The following ACOT7 variants were observed in gnomAD, a reference collection of about 807,000 sequenced individuals.
The protein encoded by ACOT7 is cytosolic acyl coenzyme A thioester hydrolase.
In ACOT7, 12 loss-of-function variants were observed where a neutral mutation model predicts 40.2. The ratio of observed to expected loss-of-function variants is 0.30; its 90% CI spans 0.19 to 0.48. The LOEUF (loss-of-function observed/expected upper bound fraction) is 0.48. Ranked by LOEUF, ACOT7 falls within the 20% of genes least tolerant of loss-of-function variation. The pLI, the probability that ACOT7 is intolerant of heterozygous loss-of-function variation, is 0.99. For missense variants in ACOT7, 395 were observed against 530.8 expected (o/e 0.74, Z 2.51); for synonymous variants, 228 against 219.5 (o/e 1.04, Z -0.34).
In ACOT7 at chr1:6,278,139, T is replaced by A. The variant is rs947009788; in HGVS notation, c.1014+2963A>T. On this transcript the variant is annotated intron_variant, in intron 8 of 8. Coordinates refer to ENST00000361521, the MANE Select transcript of ACOT7 (RefSeq NM_007274.4). The surrounding 1 kb of genome is among the most constrained non-coding windows in gnomAD (Gnocchi z 4.1). The stretch of plus-strand genomic sequence containing the variant: ...GGAGGCGACGCTTCTCTAGAGCGGT[T>A]GTGGGTGCCCTTCTAAGGAAAAAAC... Among the ~76,000 whole-genome samples the A allele has an allele frequency of 6.6e-6, 1 of 151,968 alleles. No individual in the cohort carries two copies. Among genetic ancestry groups the A allele is most frequent in the African/African-American group, 2.4e-5 (1 of 41,338 alleles).
At position 6,311,205 on chromosome 1, in the gene ACOT7, C is replaced by T. The variant is rs1458702031; in HGVS notation, c.712+7287G>A. Among the ~76,000 whole-genome samples, 2 of 152,210 alleles carry T rather than the reference C, an allele frequency of 1.3e-5. No individual in the cohort carries two copies. The highest frequency in any genetic ancestry group is 2.9e-5 in the Non-Finnish European group (2 of 68,044). On this transcript the variant is annotated intron_variant, in intron 6 of 8. Transcript: ENST00000361521. This position sits in a 1 kb window ranked among gnomAD's most constrained non-coding sequence, Gnocchi z 5.2. ...AGGATACCCACCTTGACTTCTGTTT[C>T]AGAGCAGAGTTAGTTTTTACTCAGA...
At position 6,393,361 on chromosome 1, in the gene ACOT7, C is replaced by T; in HGVS notation, c.39G>A (p.Leu13=). 1 of 1,240,098 alleles carries T rather than the reference C, an allele frequency of 8.1e-7. No individual in the cohort carries two copies. The highest frequency in any genetic ancestry group is 1.0e-6 in the Non-Finnish European group (1 of 990,562). 76.8% of individuals were successfully genotyped at this position (1,240,098 alleles called of 1,614,324 possible). A position where few individuals can be genotyped will look rare whatever the true frequency, so the allele number is the denominator to read the frequency against. The change falls in exon 1 of 9, where the codon CTG becomes CTA. Residue 13 remains leucine, a synonymous_variant. Coordinates refer to ENST00000361521, the MANE Select transcript of ACOT7 (RefSeq NM_007274.4). ...GCTGCAGAAGGGCGCAGGTGTCTGG[C>T]AGGCCCGGCGCGGAATGAATGAGCC... ...RPGLIHSAPG[L]PDTCALLQPP...
chr1:6,368,129 G>A (rs1280768630), intron 1 of ACOT7, among the ~76,000 whole-genome samples: 8 of 152,084 alleles, frequency 5.3e-5, no homozygotes, highest in South Asian at 4.1e-4. Context: ...TCTGGTCCTC[G>A]GGACTGGCCA....
chr1:6,303,293 G>A (rs1043096798), intron 6 of ACOT7, among the ~76,000 whole-genome samples: 7 of 151,978 alleles, frequency 4.6e-5, no homozygotes, highest in East Asian at 1.9e-4. Context: ...AGGACCCGCC[G>A]TCCTTGGAGC....
intron 8 of ACOT7, among the ~76,000 whole-genome samples, chr1:6,264,912 G>A (rs968974379): frequency 6.6e-6 from 1 of 152,232 alleles, no homozygotes; most frequent in Non-Finnish European, 1.5e-5. Flanking sequence ...CTATTGACTG[G>A]GCTGGGTATG....
rs1301338737 is a variant in ACOT7, at chr1:6,294,901, G to A, written c.792C>T (p.Ser264=). The A allele has an allele frequency of 8.1e-6, 13 of 1,613,984 alleles. No homozygotes were observed. In the South Asian group the frequency reaches 8.8e-5, roughly 11 times the overall value. The stretch of plus-strand genomic sequence containing the variant: ...TGTCATGAAAATTAATGGCGTCCAC[G>A]GAAGCTGTGACGATGTTGGTCTTGC... The part of the protein sequence containing the change: ...RHCKTNIVTA[S]VDAINFHDKI... The change falls in exon 7 of 9, where the codon TCC becomes TCT. Residue 264 remains serine (S), a synonymous_variant. Transcript: ENST00000361521. This position sits in a 1 kb window ranked among gnomAD's most constrained non-coding sequence, Gnocchi z 4.6.
At position 6,321,233 on chromosome 1, in the gene ACOT7, G is replaced by C. The variant is rs368734062; in HGVS notation, c.626-2655C>G. Among the ~76,000 whole-genome samples, 76 of 152,200 alleles carry C rather than the reference G, an allele frequency of 5.0e-4. 2 individuals carry two copies. The highest frequency in any genetic ancestry group is 2.2e-4 in the Non-Finnish European group (15 of 68,036). On this transcript the variant is annotated intron_variant, in intron 5 of 8. Coordinates refer to ENST00000361521, the MANE Select transcript of ACOT7 (RefSeq NM_007274.4). Reference sequence around the variant, plus strand: ...GGGGCCCACGGCCCACCTCCTGCTTGTCTAGGTTTGGGGAGGTTACTTTAA... The same window carrying C: ...GGGGCCCACGGCCCACCTCCTGCTTCTCTAGGTTTGGGGAGGTTACTTTAA...
chr1:6,302,870 A>C (rs1476077720), intron 6 of ACOT7, among the ~76,000 whole-genome samples: 3 of 152,170 alleles, frequency 2.0e-5, no homozygotes, highest in African/African-American at 7.2e-5. Context: ...CTGCTACCAC[A>C]CAATGCCTGT....
At chr1:6,337,618 G>A (rs563962781) in intron 3 of ACOT7, among the ~76,000 whole-genome samples, 1 of 152,208 alleles carries the variant, frequency 6.6e-6, no homozygotes, top group South Asian at 2.1e-4. Flanking sequence ...TGGGGACAGC[G>A]GGTCCCAGCC....
intron 7 of ACOT7, among the ~76,000 whole-genome samples, chr1:6,286,748 T>C (rs944095944): frequency 2.0e-5 from 3 of 152,166 alleles, no homozygotes; most frequent in Non-Finnish European, 4.4e-5. Flanking sequence ...GGTAACTTCC[T>C]CCACATTTTT....
intron 2 of ACOT7, among the ~76,000 whole-genome samples, chr1:6,342,234 G>C (rs1450949747): frequency 6.6e-6 from 1 of 152,148 alleles, no homozygotes; most frequent in African/African-American, 2.4e-5. Flanking sequence ...GGTGGCCGGG[G>C]CAAATGAGCT....
At chr1:6,312,927 TG>T (rs890915994) in intron 6 of ACOT7, among the ~76,000 whole-genome samples, 2 of 152,192 alleles carry the variant, frequency 1.3e-5, no homozygotes, top group African/African-American at 4.8e-5. Flanking sequence ...CAAAACTGCC[TG>T]GGAAGGGTGG....
rs1174298967 is a variant in ACOT7, at chr1:6,393,363, G to A, written c.37C>T (p.Leu13=). ...RPGLIHSAPG[L]PDTCALLQPP... ...TGCAGAAGGGCGCAGGTGTCTGGCA[G>A]GCCCGGCGCGGAATGAATGAGCCCG... The change falls in exon 1 of 9, where the codon CTG becomes TTG. Residue 13 remains leucine (L), a synonymous_variant. Coordinates refer to ENST00000361521, the MANE Select transcript of ACOT7 (RefSeq NM_007274.4). 4 of 1,238,628 alleles carry A rather than the reference G, an allele frequency of 3.2e-6. No individual in the cohort carries two copies. The highest frequency in any genetic ancestry group is 6.2e-5 in the East Asian group (2 of 32,070). The allele number at this position is 1,238,628 out of a possible 1,614,324, so 76.7% of individuals were successfully genotyped here.
intron 2 of ACOT7, among the ~76,000 whole-genome samples, chr1:6,345,204 G>T (rs746190854): frequency 6.6e-6 from 1 of 152,258 alleles, no homozygotes; most frequent in Non-Finnish European, 1.5e-5. Flanking sequence ...AGAGACACGA[G>T]CTCCTGATCA....
Position 6,282,959 on chromosome 1 carries a change from C to G in ACOT7, c.830-1673G>C. 1 of 474,666 alleles carries G rather than the reference C, an allele frequency of 2.1e-6. No homozygotes were observed. Among genetic ancestry groups the G allele is most frequent in the Non-Finnish European group, 4.3e-6 (1 of 231,810 alleles). The allele number at this position is 474,666 out of a possible 1,614,324, so 29.4% of individuals were successfully genotyped here. On this transcript the variant is annotated intron_variant, in intron 7 of 8. Coordinates refer to ENST00000361521, the MANE Select transcript of ACOT7 (RefSeq NM_007274.4). This position sits in a 1 kb window ranked among gnomAD's most constrained non-coding sequence, Gnocchi z 4.5. ...GCCTCCTTCCTCACAATGCCCAGCC[C>G]ACATCCCTCACCAACAATTGTGTAT...
At chr1:6,351,004 A>G (rs1411438443) in intron 1 of ACOT7, among the ~76,000 whole-genome samples, 6 of 152,200 alleles carry the variant, frequency 3.9e-5, no homozygotes, top group Admixed American at 2.6e-4. Flanking sequence ...TGGCAGACAC[A>G]TGGTACACAG....
At chr1:6,378,731 C>G (rs1642281472) in intron 1 of ACOT7, among the ~76,000 whole-genome samples, 1 of 151,810 alleles carries the variant, frequency 6.6e-6, no homozygotes, top group African/African-American at 2.4e-5. Context: ...AGGCAAAAGC[C>G]ACAGATGAAC....
chr1:6,324,032 G>A (rs1640732259), intron 5 of ACOT7, among the ~76,000 whole-genome samples: 1 of 151,900 alleles, frequency 6.6e-6, no homozygotes, highest in Non-Finnish European at 1.5e-5. Context: ...AGACCCCAGT[G>A]CCAAGCACAT....
rs1189416595 is a variant in ACOT7, at chr1:6,358,641, CT to C, written c.144-8776del. Among the ~76,000 whole-genome samples the C allele has an allele frequency of 7.2e-5, 11 of 152,234 alleles. No individual in the cohort carries two copies. Among genetic ancestry groups the C allele is most frequent in the African/African-American group, 2.7e-4 (11 of 41,468 alleles). On this transcript the variant is annotated intron_variant, in intron 1 of 8. Transcript: ENST00000361521. This position sits in a 1 kb window ranked among gnomAD's most constrained non-coding sequence, Gnocchi z 4.1. ...TCCCAGCTTCGGCTGACCACCTAAT[CT>C]TGGGGGTCAGTAAGAGCCAGGCCAG...
Sources: gnomAD v4.1 joint callset for allele counts (sites outside exome capture counted in the v4.1 genomes callset) on GRCh38, gnomAD v4.1.1 for gene constraint, Gnocchi (gnomAD v3.1) non-coding constraint, MANE v1.5 for transcripts, NCBI Gene and HGNC (gene_info 2026-07-23, HGNC 2026-07-21) for gene names.